NF1: variants seen among roughly 807,000 people sequenced by gnomAD.
NF1 encodes the protein neurofibromin.
A neutral mutation model predicts 325.7 loss-of-function variants in NF1; 122 were observed. The observed-to-expected ratio is 0.37, with a 90% CI of 0.32 to 0.44. The LOEUF is 0.44. Ranked by LOEUF, NF1 falls within the 20% of genes least tolerant of loss-of-function variation. The pLI is 1.00. For synonymous variants in NF1, 1,091 were observed against 1,186.0 expected (o/e 0.92, Z 1.65); for missense variants, 2,140 against 3,415.4 (o/e 0.63, Z 9.31).
At chr17:31,240,838 A>T (rs2067284038) in intron 29 of NF1, among the ~76,000 whole-genome samples, 1 of 152,038 alleles carries the variant, frequency 6.6e-6, no homozygotes, top group Admixed American at 6.6e-5. Flanking sequence ...AGTGATGTTG[A>T]GCACCTTTTC....
intron 21 of NF1, 24 bp downstream of exon 21, chr17:31,229,489 C>T (rs2151429919): frequency 6.2e-7 from 1 of 1,603,472 alleles, no homozygotes; most frequent in Non-Finnish European, 8.5e-7. Flanking sequence ...TTATTTTTCA[C>T]CTTTCTCTAT....
chr17:31,117,871 G>A (rs1270178417), intron 1 of NF1, among the ~76,000 whole-genome samples: 3 of 151,978 alleles, frequency 2.0e-5, no homozygotes, highest in African/African-American at 7.2e-5. Flanking sequence ...ACCAAATCAT[G>A]ATATGTATTT....
rs2070729927 is a variant in NF1, at chr17:31,376,283, A to G, written c.*2128A>G. ...TGCATATGATAGTGGGTGTTATGCTATTTTGCTCTTCCCATCAAAATAAAG... is the reference window on the plus strand; with the variant it reads ...TGCATATGATAGTGGGTGTTATGCTGTTTTGCTCTTCCCATCAAAATAAAG... On this transcript the variant is annotated 3_prime_UTR_variant, in exon 58 of 58. Transcript: ENST00000358273. 1 of 232,762 alleles carries G rather than the reference A, an allele frequency of 4.3e-6. No homozygotes were observed. 14.4% of individuals were successfully genotyped at this position (232,762 alleles called of 1,614,324 possible).
intron 36 of NF1, among the ~76,000 whole-genome samples, chr17:31,283,826 T>C (rs1179051615): frequency 6.6e-6 from 1 of 152,066 alleles, no homozygotes; most frequent in African/African-American, 2.4e-5. Flanking sequence ...ATGACTACGG[T>C]TTGAAGGAAA....
At chr17:31,229,695 C>A in intron 21 of NF1, 140 bp from the exon 22 acceptor site, 2 of 1,121,416 alleles carry the variant, frequency 1.8e-6, no homozygotes, top group Admixed American at 1.7e-5. Flanking sequence ...CGAGTGTCTG[C>A]GTATATCTGT....
Position 31,284,254 on chromosome 17 carries a change from A to G in NF1, c.4835+18915A>G, listed in dbSNP as rs1298152492. Among the ~76,000 whole-genome samples, 4 of 151,868 alleles carry G rather than the reference A, an allele frequency of 2.6e-5. No individual in the cohort carries two copies. In the East Asian group the frequency reaches 7.7e-4, roughly 29 times the overall value. ...GTAGCTGGGATTACAGGCATGCACC[A>G]TCATACCTGGCTAATTTTTGTTTTG... On this transcript the variant is annotated intron_variant, in intron 36 of 57. Transcript: ENST00000358273.
intron 12 of NF1, among the ~76,000 whole-genome samples, chr17:31,213,085 T>TAA (rs2066757406): frequency 6.6e-6 from 1 of 152,222 alleles, no homozygotes; most frequent in Non-Finnish European, 1.5e-5. Flanking sequence ...ATTTGATAGT[T>TAA]ACACTTAGTT....
chr17:31,280,106 T>C (rs2068087589), intron 36 of NF1, among the ~76,000 whole-genome samples: 2 of 152,176 alleles, frequency 1.3e-5, no homozygotes, highest in Admixed American at 1.3e-4. Flanking sequence ...CCAACTTATT[T>C]GGTAGCTTCA....
At chr17:31,197,341 TG>T (rs2066452388) in intron 8 of NF1, among the ~76,000 whole-genome samples, 1 of 129,596 alleles carries the variant, frequency 7.7e-6, no homozygotes, top group Non-Finnish European at 1.6e-5. Flanking sequence ...CCACCGCGCC[TG>T]GCTTTTTTTT....
intron 1 of NF1, among the ~76,000 whole-genome samples, chr17:31,139,654 A>G (rs555969481): frequency 2.6e-5 from 4 of 152,258 alleles, no homozygotes; most frequent in African/African-American, 9.6e-5. Context: ...CTTTTCTTTG[A>G]ACATTAGTTT....
intron 1 of NF1, among the ~76,000 whole-genome samples, chr17:31,121,972 G>A (rs1914479062): frequency 6.6e-6 from 1 of 152,202 alleles, no homozygotes; most frequent in Admixed American, 6.5e-5. Context: ...GCTTAGCACA[G>A]TTCTTGCTTG....
At chr17:31,194,950 A>G (rs191178020) in intron 8 of NF1, among the ~76,000 whole-genome samples, 182 of 152,266 alleles carry the variant, frequency 1.2e-3, no homozygotes, top group African/African-American at 4.1e-3. Context: ...CACTTTTGAA[A>G]GTAACTAATT....
intron 7 of NF1, 61 bp downstream of exon 7, chr17:31,181,846 A>T: frequency 8.6e-7 from 1 of 1,158,954 alleles, no homozygotes; most frequent in Admixed American, 1.8e-5. Flanking sequence ...TGTGACATAA[A>T]AACCTATCAT....
chr17:31,169,182 C>T (rs976006272), intron 4 of NF1, among the ~76,000 whole-genome samples: 1 of 152,112 alleles, frequency 6.6e-6, no homozygotes, highest in Admixed American at 6.5e-5. Flanking sequence ...AAAGTGCATA[C>T]CTGTGTGATA....
chr17:31,110,756 C>T (rs1239702619), intron 1 of NF1, among the ~76,000 whole-genome samples: 1 of 151,978 alleles, frequency 6.6e-6, no homozygotes, highest in Non-Finnish European at 1.5e-5. Flanking sequence ...TTGGAATCCA[C>T]AGAAAGAAAC....
intron 24 of NF1, among the ~76,000 whole-genome samples, chr17:31,231,203 C>A (rs2067107746): frequency 6.6e-6 from 1 of 151,894 alleles, no homozygotes; most frequent in Non-Finnish European, 1.5e-5. Context: ...ATACATAAAG[C>A]CTCAGATTGC....
intron 1 of NF1, among the ~76,000 whole-genome samples, chr17:31,118,630 T>C (rs997933141): frequency 6.6e-6 from 1 of 152,218 alleles, no homozygotes; most frequent in Non-Finnish European, 1.5e-5. Flanking sequence ...TCATCCTTTT[T>C]TATAGTTGCA....
Position 31,252,979 on chromosome 17 carries a change from A to G in NF1, c.4152A>G (p.Glu1384=). ...TACTGAATAAAGCTACAGTAAAAGA[A>G]AAAAAGGAAAACAAAAAATCAGTAA... ...HSLLNKATVK[E]KKENKKSVVS... Residue 1384 remains glutamate, a synonymous_variant, in exon 31 of 58, where the codon GAA becomes GAG. Coordinates refer to ENST00000358273, the MANE Select transcript of NF1 (RefSeq NM_001042492.3). 3 of 1,613,478 alleles carry G rather than the reference A, an allele frequency of 1.9e-6. No homozygotes were observed. The highest frequency in any genetic ancestry group is 2.5e-6 in the Non-Finnish European group (3 of 1,179,694).
chr17:31,108,262 GTTTTTTTTTT>G (rs56180844), intron 1 of NF1, among the ~76,000 whole-genome samples: 7 of 82,520 alleles, frequency 8.5e-5, no homozygotes, highest in East Asian at 6.7e-4. Flanking sequence ...AAAGTAGAGA[GTTTTTTTTTT>G]TTTTTTTTTT....
Sources: gnomAD v4.1 joint callset for allele counts (sites outside exome capture counted in the v4.1 genomes callset) on GRCh38, gnomAD v4.1.1 for gene constraint, MANE v1.5 for transcripts, NCBI Gene and HGNC (gene_info 2026-07-23, HGNC 2026-07-21) for gene names.